Variants in BPIFB2 observed in about 807,000 individuals in gnomAD.
BPIFB2 encodes the protein BPI fold-containing family B member 2.
BPIFB2 carries 39 observed loss-of-function variants against 50.1 expected under a neutral mutation model. The observed-to-expected ratio is 0.78, with a 90% CI of 0.60 to 1.02. The LOEUF is 1.02. Among genes scored for constraint, BPIFB2 ranks in the 50% least tolerant of loss-of-function variants. The probability of loss-of-function intolerance (pLI) is 0.00; values close to 1 mark genes in which losing one functional copy is unlikely to be tolerated. For synonymous variants in BPIFB2, 280 were observed against 256.3 expected, an observed-to-expected ratio of 1.09 and a Z score of -0.88; for missense variants, 574 against 585.8, an observed-to-expected ratio of 0.98 and a Z score of 0.21.
Position 33,018,244 on chromosome 20 carries a change from C to T in BPIFB2, c.578-15C>T. 3 of 1,586,938 alleles carry T rather than the reference C, an allele frequency of 1.9e-6. No individual in the cohort carries two copies. The highest frequency in any genetic ancestry group is 3.3e-4 in the Middle Eastern group (2 of 5,998). On this transcript the variant is annotated splice_polypyrimidine_tract_variant and intron_variant, in intron 7 of 15. Transcript: ENST00000170150. ...AAATATGCCATCTTTTCTTCTCTACCCTGGTTTCATGAAGGCCTCAACCCC... is the reference window on the plus strand; with the variant it reads ...AAATATGCCATCTTTTCTTCTCTACTCTGGTTTCATGAAGGCCTCAACCCC...
At position 33,018,833 on chromosome 20, in the gene BPIFB2, G is replaced by A. The variant is rs374022265; in HGVS notation, c.855+11G>A. ...ATCACAGGGCAGCTGGTGAGGGCCCGACCTGCAGCCCAGGGCCTGTGGGGC... is the reference window on the plus strand; with the variant it reads ...ATCACAGGGCAGCTGGTGAGGGCCCAACCTGCAGCCCAGGGCCTGTGGGGC... On this transcript the variant is annotated intron_variant, in intron 9 of 15. Transcript: ENST00000170150. 4.2e-5 allele frequency: 68 copies of A among 1,606,648 alleles called. 1 individual carries two copies. The highest frequency in any genetic ancestry group is 1.9e-4 in the Middle Eastern group (1 of 5,344).
Position 33,011,236 on chromosome 20 carries a change from A to T in BPIFB2, c.203+119A>T, listed in dbSNP as rs1051345921. On this transcript the variant is annotated intron_variant, in intron 3 of 15. Transcript: ENST00000170150. ...TCCTGCCTGCTGGGCAGATGCTCCT[A>T]TCCACGGGGCAAAGTGTTCCAGTCC... The T allele has an allele frequency of 1.1e-5, 10 of 906,828 alleles. No individual in the cohort carries two copies. The African/African-American group carries it at 1.6e-4, about 15-fold the overall frequency. 56.2% of individuals were successfully genotyped at this position (906,828 alleles called of 1,614,324 possible).
chr20:33,021,685 G>A, intron 14 of BPIFB2, 38 bp from the exon 15 acceptor site: 1 of 1,597,344 alleles, frequency 6.3e-7, no homozygotes, highest in South Asian at 1.1e-5. Flanking sequence ...GCACAGGCTG[G>A]CTCCAGGGGA....
In BPIFB2 at chr20:33,021,328, G is replaced by C. The variant is rs1978660220; in HGVS notation, c.1242G>C (p.Leu414=). 1 of 1,613,700 alleles carries C rather than the reference G, an allele frequency of 6.2e-7. No individual in the cohort carries two copies. Among genetic ancestry groups the C allele is most frequent in the African/African-American group, 1.3e-5 (1 of 75,044 alleles). Residue 414 remains leucine (L), a synonymous_variant, in exon 14 of 16, where the codon CTG becomes CTC. Transcript: ENST00000170150. Reference sequence around the variant, plus strand: ...TGGGCACCGTTTTTGAGAAGCCCCTGCTGGACCATCTCAATGGTAAGCCCT... The same window carrying C: ...TGGGCACCGTTTTTGAGAAGCCCCTCCTGGACCATCTCAATGGTAAGCCCT... ...TLMGTVFEKP[L]LDHLNALLAM...
At chr20:33,015,394 A>G in intron 5 of BPIFB2, 42 bp from the exon 6 acceptor site, 2 of 1,566,290 alleles carry the variant, frequency 1.3e-6, no homozygotes, top group Non-Finnish European at 1.8e-6. Flanking sequence ...GGGACTTAAT[A>G]TGTTTGGGAG....
intron 2 of BPIFB2, among the ~76,000 whole-genome samples, chr20:33,010,612 G>A (rs927719777): frequency 2.0e-5 from 3 of 152,068 alleles, no homozygotes; most frequent in Non-Finnish European, 4.4e-5. Flanking sequence ...CCCTCCCAAG[G>A]GACGTCCCCT....
intron 11 of BPIFB2, among the ~76,000 whole-genome samples, 160 bp downstream of exon 11, chr20:33,019,910 C>G (rs1045283289): frequency 6.6e-6 from 1 of 152,220 alleles, no homozygotes; most frequent in African/African-American, 2.4e-5. Flanking sequence ...TGTGCTGAGC[C>G]CTCGGCCTAG....
At position 33,018,778 on chromosome 20, in the gene BPIFB2, C is replaced by T; in HGVS notation, c.811C>T (p.Leu271=). 1 of 1,613,986 alleles carries T rather than the reference C, an allele frequency of 6.2e-7. No individual in the cohort carries two copies. The change falls in exon 9 of 16, where the codon CTG becomes TTG. Residue 271 remains leucine, a synonymous_variant. Coordinates refer to ENST00000170150, the MANE Select transcript of BPIFB2 (RefSeq NM_025227.3). ...GCTGTTTGACTCTGCGCTCCTGCTG[C>T]TGCAGAAGGCCGGTGCCCTCAACCT... ...QQLFDSALLL[L]QKAGALNLDI...
At chr20:33,019,438 T>G in intron 10 of BPIFB2, 142 bp from the exon 11 acceptor site, 3 of 981,380 alleles carry the variant, frequency 3.1e-6, no homozygotes, top group Non-Finnish European at 4.4e-6. Flanking sequence ...TAAGACCCAC[T>G]GGCTTACACA....
At chr20:33,018,845 A>T in intron 9 of BPIFB2, 23 bp downstream of exon 9, 1 of 1,600,926 alleles carries the variant, frequency 6.2e-7, no homozygotes, top group Non-Finnish European at 8.5e-7. Flanking sequence ...CCTGCAGCCC[A>T]GGGCCTGTGG....
rs199839686 is a variant in BPIFB2 at position 33,019,085 on chromosome 20, C to A, written c.879C>A (p.Asn293Lys). Residue 293 changes from asparagine (N) to lysine (K), a missense_variant, in exon 10 of 16, where the codon AAC (asparagine) becomes AAA (lysine). By Grantham distance (94) the Asn-to-Lys change is moderately conservative. Transcript: ENST00000170150. Reference protein sequence around the residue: ...GQLRSDDNLLNTSALGRLIPE... With the variant: ...GQLRSDDNLLKTSALGRLIPE... ...AGAGGTCGGATGACAACCTGCTGAA[C>A]ACCTCTGCTCTGGGCCGGCTCATCC... The A allele has an allele frequency of 1.2e-6, 2 of 1,614,146 alleles. No homozygotes were observed. Among genetic ancestry groups the A allele is most frequent in the Admixed American group, 1.7e-5 (1 of 60,016 alleles).
At chr20:33,013,729 G>C in intron 4 of BPIFB2, 81 bp from the exon 5 acceptor site, 1 of 1,526,938 alleles carries the variant, frequency 6.5e-7, no homozygotes, top group South Asian at 1.2e-5. Flanking sequence ...GCAGGGGCTG[G>C]GGAATTTGTA....
Position 33,019,854 on chromosome 20 carries a change from C to T in BPIFB2, c.1080+104C>T, listed in dbSNP as rs1475135147. 5 of 1,339,920 alleles carry T rather than the reference C, an allele frequency of 3.7e-6. No individual in the cohort carries two copies. The African/African-American group carries it at 7.3e-5, about 20-fold the overall frequency. 83.0% of individuals were successfully genotyped at this position (1,339,920 alleles called of 1,614,324 possible). A position where few individuals can be genotyped will look rare whatever the true frequency, so the allele number is the denominator to read the frequency against. On this transcript the variant is annotated intron_variant, in intron 11 of 15. Coordinates refer to ENST00000170150, the MANE Select transcript of BPIFB2 (RefSeq NM_025227.3). ...TGCTCTACTCACACTATTGTCTTCG[C>T]TGTTCCTTGAATGTGTCAGGACACT...
At chr20:33,015,614 G>C (rs200699864) in intron 6 of BPIFB2, 118 bp downstream of exon 6, 112 of 680,740 alleles carry the variant, frequency 1.6e-4, no homozygotes, top group East Asian at 1.9e-4. Flanking sequence ...AAAAAAAAAA[G>C]ACGCCCCTTC....
At chr20:33,015,303 C>T (rs1385039266) in intron 5 of BPIFB2, 133 bp from the exon 6 acceptor site, 2 of 680,770 alleles carry the variant, frequency 2.9e-6, no homozygotes, top group Non-Finnish European at 4.8e-6. Flanking sequence ...TGGCAGATGG[C>T]AGGGCATCGA....
Position 33,011,089 on chromosome 20 carries a change from T to C in BPIFB2, c.175T>C (p.Trp59Arg). The C allele has an allele frequency of 6.2e-7, 1 of 1,614,026 alleles. No homozygotes were observed. The highest frequency in any genetic ancestry group is 8.5e-7 in the Non-Finnish European group (1 of 1,179,950). The change falls in exon 3 of 16, where the codon TGG (tryptophan) becomes CGG (arginine). Residue 59 changes from tryptophan to arginine, a missense_variant. Transcript: ENST00000170150. ...GGTCACTGTCCCTCATTTCCTGGAC[T>C]GGAGTGGAGAGGCGCTTCAGCCCAC... ...LQVTVPHFLD[W>R]SGEALQPTRI...
chr20:33,017,144 AC>A, intron 7 of BPIFB2, 42 bp downstream of exon 7: 4 of 1,588,516 alleles, frequency 2.5e-6, no homozygotes, highest in Non-Finnish European at 3.5e-6. Flanking sequence ...GGCCTCTGGG[AC>A]CCCCTGGAGC....
At chr20:33,012,940 G>T (rs751145068) in intron 4 of BPIFB2, 33 bp downstream of exon 4, 1 of 1,563,066 alleles carries the variant, frequency 6.4e-7, no homozygotes, top group Non-Finnish European at 8.8e-7. Flanking sequence ...GGGTGAGAAG[G>T]GTTTTGGGGA....
rs560775886 is a variant in BPIFB2 at position 33,009,697 on chromosome 20, T to A, written c.109+1014T>A. On this transcript the variant is annotated intron_variant, in intron 2 of 15. Coordinates refer to ENST00000170150, the MANE Select transcript of BPIFB2 (RefSeq NM_025227.3). The surrounding 1 kb of genome is among the most constrained non-coding windows in gnomAD (Gnocchi z 4.2). ...TCATGGATGCCTGCAGGTAGGGCCA[T>A]GAGGCCCGCGCCCTCCGCCGCCTTC... 3.3e-5 allele frequency among the ~76,000 whole-genome samples: 5 copies of A among 152,342 alleles called. No homozygotes were observed. Among genetic ancestry groups the A allele is most frequent in the African/African-American group, 4.8e-5 (2 of 41,584 alleles).
Sources: allele counts gnomAD v4.1 joint callset (sites outside exome capture counted in the v4.1 genomes callset), GRCh38; gene constraint gnomAD v4.1.1; non-coding constraint Gnocchi (gnomAD v3.1); transcripts MANE v1.5; gene names NCBI Gene and HGNC (gene_info 2026-07-23, HGNC 2026-07-21).